The following PPP1R13B variants were observed in gnomAD, a reference collection of about 807,000 sequenced individuals.
PPP1R13B encodes the protein apoptosis-stimulating of p53 protein 1.
Under a neutral mutation model 119.8 loss-of-function variants are expected in PPP1R13B, and 44 were observed. That is an observed-to-expected ratio of 0.37 (90% CI 0.29 to 0.47). The LOEUF is 0.47. PPP1R13B is among the 20% of genes least tolerant of loss of function. PPP1R13B has a pLI of 0.99. For synonymous variants in PPP1R13B, 542 were observed against 561.5 expected, an observed-to-expected ratio of 0.97 and a Z score of 0.49; for missense variants, 1,227 against 1,413.5, an observed-to-expected ratio of 0.87 and a Z score of 2.12.
chr14:103,840,707 C>T (rs2086884754), intron 1 of PPP1R13B, among the ~76,000 whole-genome samples: 1 of 151,826 alleles, frequency 6.6e-6, no homozygotes, highest in Admixed American at 6.6e-5. Flanking sequence ...AGGAAAATTG[C>T]TTGAACCTGG....
chr14:103,807,844 T>G (rs2152054992), intron 1 of PPP1R13B, among the ~76,000 whole-genome samples: 1 of 152,264 alleles, frequency 6.6e-6, no homozygotes, highest in East Asian at 1.9e-4. Context: ...GGTAGGTGTT[T>G]GCCTGTTTTC....
intron 1 of PPP1R13B, among the ~76,000 whole-genome samples, chr14:103,798,040 G>A (rs901891121): frequency 2.6e-5 from 4 of 151,860 alleles, no homozygotes; most frequent in Admixed American, 6.6e-5. Context: ...TAAAACCTGG[G>A]TATATTCCCT....
At chr14:103,834,012 G>T (rs770164876) in intron 1 of PPP1R13B, among the ~76,000 whole-genome samples, 4 of 152,178 alleles carry the variant, frequency 2.6e-5, no homozygotes, top group Non-Finnish European at 5.9e-5. Flanking sequence ...ATACTGCAGT[G>T]GGAAAAGAAA....
intron 1 of PPP1R13B, among the ~76,000 whole-genome samples, chr14:103,821,564 C>T (rs1051666343): frequency 6.6e-6 from 1 of 152,104 alleles, no homozygotes; most frequent in African/African-American, 2.4e-5. Context: ...CCAGCCTAAC[C>T]AACATGGAGT....
In PPP1R13B at chr14:103,753,102, C is replaced by T. The variant is rs1347535898; in HGVS notation, c.726G>A (p.Leu242=). 1.2e-6 allele frequency: 2 copies of T among 1,614,000 alleles called. No individual in the cohort carries two copies. Among genetic ancestry groups the T allele is most frequent in the Admixed American group, 3.3e-5 (2 of 60,026 alleles). The change falls in exon 7 of 17, where the codon TTG becomes TTA. Residue 242 remains leucine, a synonymous_variant. Coordinates refer to ENST00000202556, the MANE Select transcript of PPP1R13B (RefSeq NM_015316.3). ...ILRVDQLSQQ[L]EDLKKGKLNG... is the part of the protein sequence containing the mutation. ...TCAGTTTTCCTTTCTTTAAATCTTCCAATTGCTGACTAAGCTGATCAACCC... is the reference window on the plus strand; with the variant it reads ...TCAGTTTTCCTTTCTTTAAATCTTCTAATTGCTGACTAAGCTGATCAACCC...
At chr14:103,819,499 T>TAA (rs151084316) in intron 1 of PPP1R13B, among the ~76,000 whole-genome samples, 3,346 of 121,708 alleles carry the variant, frequency 0.027, 62 homozygotes, top group African/African-American at 0.048. Context: ...ATCTGTCTAT[T>TAA]AAAAAAAACA....
rs2084836713 is a variant in PPP1R13B, at chr14:103,762,671, A to G, written c.355-4920T>C. ...CACTGCTGCAGCCTCTGGAAGCCTG[A>G]AAAACGGGAACCAAGAGCAAGAGAA... On this transcript the variant is annotated intron_variant, in intron 4 of 16. Transcript: ENST00000202556. 7 of 539,522 alleles carry G rather than the reference A, an allele frequency of 1.3e-5. No homozygotes were observed. In the Admixed American group the frequency reaches 2.2e-4, roughly 17 times the overall value. The allele number at this position is 539,522 out of a possible 1,614,324, so 33.4% of individuals were successfully genotyped here. A position where few individuals can be genotyped will look rare whatever the true frequency, so the allele number is the denominator to read the frequency against.
intron 9 of PPP1R13B, among the ~76,000 whole-genome samples, chr14:103,745,501 A>G (rs2084363512): frequency 6.6e-6 from 1 of 152,242 alleles, no homozygotes; most frequent in Admixed American, 6.5e-5. Context: ...GGAAGCCCCA[A>G]CACTTTTAAT....
Position 103,793,101 on chromosome 14 carries a change from GAGGGAAGGGGAGGGA to G in PPP1R13B, c.157+4255_157+4269del, listed in dbSNP as rs1312946107. Among the ~76,000 whole-genome samples, 9 of 128,326 alleles carry G rather than the reference GAGGGAAGGGGAGGGA, an allele frequency of 7.0e-5. No homozygotes were observed. The East Asian group carries it at 1.4e-3, about 19-fold the overall frequency. The allele number at this position is 128,326 out of a possible 152,430, so 84.2% of individuals were successfully genotyped here. Reference sequence around the variant, plus strand: ...AAGGGGAAGGGAAGGAAGGGGAGGGGAGGGAAGGGGAGGGAAGGCAATGGGAGGGGAGGGGAGGGG... The same window carrying G: ...AAGGGGAAGGGAAGGAAGGGGAGGGGAGGCAATGGGAGGGGAGGGGAGGGG... On this transcript the variant is annotated intron_variant, in intron 2 of 16. Coordinates refer to ENST00000202556, the MANE Select transcript of PPP1R13B (RefSeq NM_015316.3).
At chr14:103,779,701 A>G (rs2085294111) in intron 3 of PPP1R13B, among the ~76,000 whole-genome samples, 1 of 152,040 alleles carries the variant, frequency 6.6e-6, no homozygotes, top group Non-Finnish European at 1.5e-5. Context: ...TGAGGAGAAT[A>G]GCTTGAGCCT....
At chr14:103,831,195 G>A (rs892420252) in intron 1 of PPP1R13B, among the ~76,000 whole-genome samples, 11 of 151,672 alleles carry the variant, frequency 7.3e-5, no homozygotes, top group South Asian at 2.1e-4. Context: ...TGCCCACCTC[G>A]ACCTCCCAAA....
chr14:103,815,789 TA>T (rs902141555), intron 1 of PPP1R13B, among the ~76,000 whole-genome samples: 4 of 141,844 alleles, frequency 2.8e-5, no homozygotes, highest in African/African-American at 1.0e-4. Context: ...TTTAAAATAA[TA>T]AAAAAAAGTA....
chr14:103,794,240 A>G (rs2152037199), intron 2 of PPP1R13B, among the ~76,000 whole-genome samples: 2 of 152,298 alleles, frequency 1.3e-5, no homozygotes, highest in East Asian at 3.9e-4. Flanking sequence ...TCTACTGGAA[A>G]GCACTGATAA....
chr14:103,810,488 C>T (rs933191184), intron 1 of PPP1R13B, among the ~76,000 whole-genome samples: 1 of 150,404 alleles, frequency 6.6e-6, no homozygotes, highest in Non-Finnish European at 1.5e-5. Context: ...TTGAAAATTA[C>T]TTTGGCTGGG....
At chr14:103,795,722 G>A (rs909671442) in intron 2 of PPP1R13B, among the ~76,000 whole-genome samples, 3 of 152,168 alleles carry the variant, frequency 2.0e-5, no homozygotes, top group African/African-American at 7.2e-5. Context: ...CCTTAAAAAC[G>A]TTAATTACAA....
chr14:103,742,503 C>T lies in PPP1R13B; in HGVS notation c.1320+151G>A. 7.9e-7 allele frequency: 1 copy of T among 1,271,142 alleles called. No individual in the cohort carries two copies. Among genetic ancestry groups the T allele is most frequent in the Non-Finnish European group, 1.1e-6 (1 of 932,560 alleles). 78.7% of individuals were successfully genotyped at this position (1,271,142 alleles called of 1,614,324 possible). A position where few individuals can be genotyped will look rare whatever the true frequency, so the allele number is the denominator to read the frequency against. On this transcript the variant is annotated intron_variant, in intron 10 of 16. Coordinates refer to ENST00000202556, the MANE Select transcript of PPP1R13B (RefSeq NM_015316.3). This position sits in a 1 kb window ranked among gnomAD's most constrained non-coding sequence, Gnocchi z 4.9. ...TCGTGGGCTGCTCAGGCTCTTAGGGCCCAGTAACCCTCTAGGACTTTGGGT... is the reference window on the plus strand; with the variant it reads ...TCGTGGGCTGCTCAGGCTCTTAGGGTCCAGTAACCCTCTAGGACTTTGGGT...
chr14:103,799,620 T>C (rs1479262628), intron 1 of PPP1R13B, among the ~76,000 whole-genome samples: 1 of 151,308 alleles, frequency 6.6e-6, no homozygotes, highest in African/African-American at 2.4e-5. Context: ...GTTTTTTGTT[T>C]TTTTTTTTTT....
At chr14:103,794,742 C>T in intron 2 of PPP1R13B, 1 of 338,532 alleles carries the variant, frequency 3.0e-6, no homozygotes, top group African/African-American at 2.2e-5. Flanking sequence ...TGCCCTCTCC[C>T]TTTGATGGCA....
chr14:103,736,909 G>A (rs1002275228), intron 15 of PPP1R13B: 1 of 152,568 alleles, frequency 6.6e-6, no homozygotes, highest in African/African-American at 2.4e-5. Context: ...AGTAATGTGT[G>A]GAATAAATGA....
Sources: allele counts gnomAD v4.1 joint callset (sites outside exome capture counted in the v4.1 genomes callset), GRCh38; gene constraint gnomAD v4.1.1; non-coding constraint Gnocchi (gnomAD v3.1); transcripts MANE v1.5; gene names NCBI Gene and HGNC (gene_info 2026-07-23, HGNC 2026-07-21).